Variants in ANKRD46 observed in about 807,000 individuals in gnomAD.
ANKRD46 encodes ankyrin repeat domain 46.
A neutral mutation model predicts 19.8 loss-of-function variants in ANKRD46; 13 were observed. The ratio of observed to expected loss-of-function variants is 0.66; its 90% CI spans 0.43 to 1.04. The LOEUF is 1.04. Among genes scored for constraint, ANKRD46 ranks in the 50% least tolerant of loss-of-function variants. The pLI, the probability that ANKRD46 is intolerant of heterozygous loss-of-function variation, is 0.00. For missense variants in ANKRD46, 185 were observed against 274.8 expected, an observed-to-expected ratio of 0.67 and a Z score of 2.31; for synonymous variants, 91 against 106.9, an observed-to-expected ratio of 0.85 and a Z score of 0.92.
rs57850231 is a variant in ANKRD46, at chr8:100,549,117, G to GT, written c.-131+10593dup. On this transcript the variant is annotated intron_variant, in intron 1 of 4. Coordinates refer to ENST00000335659, the MANE Select transcript of ANKRD46 (RefSeq NM_001270377.2). ...AATATGGAATACTAGCATTAATGCT[G>GT]TTTTTTTTTTTTTTAGTTCAGAATT... Among the ~76,000 whole-genome samples the GT allele has an allele frequency of 4.1e-4, 59 of 143,678 alleles. No individual in the cohort carries two copies. The East Asian group carries it at 7.6e-3, about 19-fold the overall frequency. The allele number at this position is 143,678 out of a possible 152,430, so 94.3% of individuals were successfully genotyped here.
At chr8:100,548,456 C>G (rs950423589) in intron 1 of ANKRD46, among the ~76,000 whole-genome samples, 1 of 152,198 alleles carries the variant, frequency 6.6e-6, no homozygotes, top group Non-Finnish European at 1.5e-5. Flanking sequence ...TCACATCACC[C>G]TGCTTATTTT....
Position 100,529,437 on chromosome 8 carries a change from C to T in ANKRD46, c.311+86G>A. ...TTATTTCAACTGATTAATGAGGAAA[C>T]AAAACCAACAGACCCAAGATAAGAT... On this transcript the variant is annotated intron_variant, in intron 3 of 4. Coordinates refer to ENST00000335659, the MANE Select transcript of ANKRD46 (RefSeq NM_001270377.2). This position sits in a 1 kb window ranked among gnomAD's most constrained non-coding sequence, Gnocchi z 5.8. 7.9e-6 allele frequency: 11 copies of T among 1,388,710 alleles called. 1 individual carries two copies. The South Asian group carries it at 1.5e-4, about 19-fold the overall frequency. 86.0% of individuals were successfully genotyped at this position (1,388,710 alleles called of 1,614,324 possible).
chr8:100,521,967 A>C lies in ANKRD46; in HGVS notation c.*588T>G. 1 of 983,524 alleles carries C rather than the reference A, an allele frequency of 1.0e-6. No homozygotes were observed. Among genetic ancestry groups the C allele is most frequent in the Non-Finnish European group, 1.2e-6 (1 of 828,190 alleles). 60.9% of individuals were successfully genotyped at this position (983,524 alleles called of 1,614,324 possible). Reference sequence around the variant, plus strand: ...AGATCAAATCAATTATCTTTGAACAAAATATAGCTCATTTTCAAAAGTTTT... The same window carrying C: ...AGATCAAATCAATTATCTTTGAACACAATATAGCTCATTTTCAAAAGTTTT... On this transcript the variant is annotated 3_prime_UTR_variant, in exon 5 of 5. Transcript: ENST00000335659.
rs910355012 is a variant in ANKRD46, at chr8:100,537,301, C to T, written c.-130-3990G>A. 5.3e-5 allele frequency among the ~76,000 whole-genome samples: 8 copies of T among 152,170 alleles called. No individual in the cohort carries two copies. Among genetic ancestry groups the T allele is most frequent in the Admixed American group, 2.6e-4 (4 of 15,270 alleles). ...GTACCACATTCTTGCTTCAAATGGA[C>T]TGACTACATTATGCCTACACAAGCA... On this transcript the variant is annotated intron_variant, in intron 1 of 4. Coordinates refer to ENST00000335659, the MANE Select transcript of ANKRD46 (RefSeq NM_001270377.2). This position sits in a 1 kb window ranked among gnomAD's most constrained non-coding sequence, Gnocchi z 4.2.
chr8:100,515,956 C>T (rs926651107), downstream of ANKRD46, among the ~76,000 whole-genome samples: 3 of 151,794 alleles, frequency 2.0e-5, no homozygotes, highest in Admixed American at 1.3e-4. Context: ...ACTGCAACCT[C>T]CACCTCCCAG....
At chr8:100,553,713 C>T (rs1812440295) in intron 1 of ANKRD46, among the ~76,000 whole-genome samples, 1 of 152,174 alleles carries the variant, frequency 6.6e-6, no homozygotes, top group African/African-American at 2.4e-5. Flanking sequence ...TGCACCACTG[C>T]ACTCCAGCCT....
Position 100,521,361 on chromosome 8 carries a change from G to A in ANKRD46, c.*1194C>T, listed in dbSNP as rs1050365622. 1.0e-6 allele frequency: 1 copy of A among 985,230 alleles called. No homozygotes were observed. Among genetic ancestry groups the A allele is most frequent in the South Asian group, 4.7e-5 (1 of 21,270 alleles). The allele number at this position is 985,230 out of a possible 1,614,324, so 61.0% of individuals were successfully genotyped here. A position where few individuals can be genotyped will look rare whatever the true frequency, so the allele number is the denominator to read the frequency against. ...ACTTTACCCAATAAATAATTATCAA[G>A]CCTTCATATTCTTTTTTAACCACTC... On this transcript the variant is annotated 3_prime_UTR_variant, in exon 5 of 5. Transcript: ENST00000335659.
rs1031419253 is a variant in ANKRD46, at chr8:100,550,914, A to AGGGGCCC, written c.-131+8790_-131+8796dup. The AGGGGCCC allele has an allele frequency of 2.0e-5, 12 of 593,002 alleles. No homozygotes were observed. The African/African-American group carries it at 2.2e-4, about 11-fold the overall frequency. 36.7% of individuals were successfully genotyped at this position (593,002 alleles called of 1,614,324 possible). A position where few individuals can be genotyped will look rare whatever the true frequency, so the allele number is the denominator to read the frequency against. ...TTCAGTGTAGCCCAAGATGCCCTTGAGGGGCCCTCTGACGCCTGCTTCACC... is the reference window on the plus strand; with the variant it reads ...TTCAGTGTAGCCCAAGATGCCCTTGAGGGGCCCGGGGCCCTCTGACGCCTGCTTCACC... On this transcript the variant is annotated intron_variant, in intron 1 of 4. Coordinates refer to ENST00000335659, the MANE Select transcript of ANKRD46 (RefSeq NM_001270377.2). The surrounding 1 kb of genome is among the most constrained non-coding windows in gnomAD (Gnocchi z 4.4).
chr8:100,523,465 T>G (rs142870514), intron 4 of ANKRD46, among the ~76,000 whole-genome samples: 2 of 151,704 alleles, frequency 1.3e-5, no homozygotes, highest in Admixed American at 1.3e-4. Flanking sequence ...GGGGGGAAGA[T>G]GAGTAAATCT....
intron 2 of ANKRD46, among the ~76,000 whole-genome samples, chr8:100,531,594 C>T (rs1811964222): frequency 1.3e-5 from 2 of 152,116 alleles, no homozygotes. Context: ...CTAACAACTC[C>T]ACAGTTAGGC....
chr8:100,548,048 G>C (rs533956958), intron 1 of ANKRD46, among the ~76,000 whole-genome samples: 1 of 151,754 alleles, frequency 6.6e-6, no homozygotes, highest in African/African-American at 2.4e-5. Context: ...CCCAAGCATG[G>C]CCTTCTACCT....
chr8:100,533,853 T>C (rs1046235282), intron 1 of ANKRD46, among the ~76,000 whole-genome samples: 4 of 152,210 alleles, frequency 2.6e-5, no homozygotes, highest in African/African-American at 9.6e-5. Flanking sequence ...TTCCTTGTCT[T>C]TTCAGTGTGA....
At chr8:100,518,740 T>TAC (rs533304598), downstream of ANKRD46, among the ~76,000 whole-genome samples, 190 of 151,786 alleles carry the variant, frequency 1.3e-3, 7 homozygotes, top group East Asian at 0.033. Flanking sequence ...TAATCCCAGC[T>TAC]ACTCAGGAGG....
chr8:100,546,337 G>A lies in ANKRD46; in HGVS notation c.-130-13026C>T, dbSNP rs1462387832. 1.3e-5 allele frequency among the ~76,000 whole-genome samples: 2 copies of A among 152,244 alleles called. No individual in the cohort carries two copies. Among genetic ancestry groups the A allele is most frequent in the African/African-American group, 4.8e-5 (2 of 41,472 alleles). On this transcript the variant is annotated intron_variant, in intron 1 of 4. Transcript: ENST00000335659. This position sits in a 1 kb window ranked among gnomAD's most constrained non-coding sequence, Gnocchi z 4.0. ...GCTGCTCTCTGCAGCCTCAGGATAT[G>A]GTGTCCAGTGTCCCAGCCACTCCGG...
chr8:100,518,851 C>CA (rs774279469), downstream of ANKRD46, among the ~76,000 whole-genome samples: 11,170 of 116,826 alleles, frequency 0.096, 498 homozygotes, highest in African/African-American at 0.13. Flanking sequence ...GACTCTGTCT[C>CA]AAAAAAAAAA....
At position 100,557,316 on chromosome 8, in the gene ANKRD46, G is replaced by A. The variant is rs1470934215; in HGVS notation, c.-131+2395C>T. 6.6e-6 allele frequency among the ~76,000 whole-genome samples: 1 copy of A among 152,178 alleles called. No individual in the cohort carries two copies. The highest frequency in any genetic ancestry group is 2.4e-5 in the African/African-American group (1 of 41,436). ...AGCTCAGGCCAAAGGCCACAGGGTC[G>A]TGCTTCACCCTTTCTCTCATAAGCA... On this transcript the variant is annotated intron_variant, in intron 1 of 4. Coordinates refer to ENST00000335659, the MANE Select transcript of ANKRD46 (RefSeq NM_001270377.2). The surrounding 1 kb of genome is among the most constrained non-coding windows in gnomAD (Gnocchi z 5.9).
rs1220575381 is a variant in ANKRD46, at chr8:100,543,320, T to A, written c.-130-10009A>T. ...TTTTCGTTTTAATTCTTATTCTCAA[T>A]CTCAAAACCATTTAATATTTTGCGA... On this transcript the variant is annotated intron_variant, in intron 1 of 4. Coordinates refer to ENST00000335659, the MANE Select transcript of ANKRD46 (RefSeq NM_001270377.2). The surrounding 1 kb of genome is among the most constrained non-coding windows in gnomAD (Gnocchi z 4.2). Among the ~76,000 whole-genome samples, 1 of 152,212 alleles carries A rather than the reference T, an allele frequency of 6.6e-6. No individual in the cohort carries two copies. The highest frequency in any genetic ancestry group is 1.5e-5 in the Non-Finnish European group (1 of 68,038).
intron 5 of ANKRD46, among the ~76,000 whole-genome samples, chr8:100,512,669 T>A (rs948720825): frequency 2.0e-5 from 3 of 152,150 alleles, no homozygotes; most frequent in African/African-American, 7.2e-5. Flanking sequence ...AAAGAAAATA[T>A]AAGCTTCCAT....
At chr8:100,526,598 G>A (rs1811847078) in intron 4 of ANKRD46, among the ~76,000 whole-genome samples, 1 of 152,168 alleles carries the variant, frequency 6.6e-6, no homozygotes, top group Non-Finnish European at 1.5e-5. Context: ...CTCAAGAGGA[G>A]TATGCACTGT....
Sources: gnomAD v4.1 joint callset for allele counts (sites outside exome capture counted in the v4.1 genomes callset) on GRCh38, gnomAD v4.1.1 for gene constraint, Gnocchi (gnomAD v3.1) non-coding constraint, MANE v1.5 for transcripts, NCBI Gene and HGNC (gene_info 2026-07-23, HGNC 2026-07-21) for gene names.